KANK1: variants seen among roughly 807,000 people sequenced by gnomAD.
The protein encoded by KANK1 is KN motif and ankyrin repeat domain-containing protein 1.
KANK1 carries 109 observed loss-of-function variants against 106.2 expected under a neutral mutation model. The ratio of observed to expected loss-of-function variants is 1.03; its 90% confidence interval spans 0.88 to 1.20. KANK1 has a LOEUF of 1.20. Among genes scored for constraint, KANK1 ranks in the 50% most tolerant of loss-of-function variants. KANK1 has a pLI of 0.00. For missense variants in KANK1, 2,399 were observed against 1,710.7 expected (o/e 1.40, Z -7.10); for synonymous variants, 873 against 652.2 (o/e 1.34, Z -5.16).
intron 1 of KANK1, among the ~76,000 whole-genome samples, chr9:669,008 T>G (rs1443810327): frequency 6.6e-6 from 1 of 152,072 alleles, no homozygotes; most frequent in Non-Finnish European, 1.5e-5. Context: ...CCAGTACTGG[T>G]CCATGGCTCA....
intron 6 of KANK1, chr9:732,826 C>G (rs1832688681): frequency 4.4e-6 from 2 of 454,968 alleles, no homozygotes; most frequent in East Asian, 6.6e-5. Context: ...CCTAATCACC[C>G]TTGTTTTCTG....
chr9:737,123 C>T (rs564801819), intron 7 of KANK1, among the ~76,000 whole-genome samples: 1 of 152,154 alleles, frequency 6.6e-6, no homozygotes, highest in African/African-American at 2.4e-5. Flanking sequence ...CATGTCAGGA[C>T]ACCAGTTATT....
chr9:479,812 C>G (rs1006468), intron 3 of KANK1, among the ~76,000 whole-genome samples: 40,169 of 152,002 alleles, frequency 0.26, 5,811 homozygotes, highest in East Asian at 0.53. Context: ...CAAGGAAGTT[C>G]ATGGCAATAT....
chr9:530,151 C>T (rs1563723192), intron 1 of KANK1, among the ~76,000 whole-genome samples: 1 of 152,106 alleles, frequency 6.6e-6, no homozygotes. Context: ...GGAAATAAGC[C>T]CCTCATGTGA....
intron 1 of KANK1, among the ~76,000 whole-genome samples, chr9:584,791 G>C (rs761359091): frequency 3.9e-5 from 6 of 152,200 alleles, no homozygotes; most frequent in African/African-American, 9.7e-5. Flanking sequence ...TGAGGACCAA[G>C]GGAAGAAGAG....
intron 3 of KANK1, among the ~76,000 whole-genome samples, chr9:715,359 C>T (rs999563350): frequency 1.3e-4 from 2 of 15,452 alleles, no homozygotes; most frequent in African/African-American, 1.8e-3. Flanking sequence ...TTCTTAAATA[C>T]CTCCAGACAG....
Position 479,900 on chromosome 9 carries a change from G to A in KANK1, c.-362+6627G>A, listed in dbSNP as rs569606870. Among the ~76,000 whole-genome samples, 7 of 152,234 alleles carry A rather than the reference G, an allele frequency of 4.6e-5. 1 individual carries two copies. Among genetic ancestry groups the A allele is most frequent in the African/African-American group, 1.7e-4 (7 of 41,546 alleles). ...CCCCCCCAGTAAGTATAATTGGTGC[G>A]AACAGTGATTTATTATATGCCCAGT... On this transcript the variant is annotated intron_variant, in intron 3 of 15. Transcript: ENST00000382303.
chr9:644,602 C>A (rs1418059550), intron 1 of KANK1, among the ~76,000 whole-genome samples: 1 of 150,600 alleles, frequency 6.6e-6, no homozygotes, highest in Non-Finnish European at 1.5e-5. Context: ...CAGTAATTCA[C>A]TGACTCACTG....
intron 2 of KANK1, among the ~76,000 whole-genome samples, chr9:682,289 AAAAG>A (rs1413185213): frequency 6.6e-6 from 1 of 152,156 alleles, no homozygotes; most frequent in Admixed American, 6.5e-5. Flanking sequence ...CAAAAAAAAA[AAAAG>A]AAAAGTTATT....
chr9:707,004 T>G, intron 2 of KANK1: 1 of 985,444 alleles, frequency 1.0e-6, no homozygotes, highest in Non-Finnish European at 1.2e-6. Context: ...CCTGTTTTCA[T>G]TAAGAAAACA....
chr9:745,222 G>T lies in KANK1; in HGVS notation c.4046G>T (p.Gly1349Val), dbSNP rs147338571. The T allele has an allele frequency of 2.5e-6, 4 of 1,613,898 alleles. No individual in the cohort carries two copies. The African/African-American group carries it at 4.0e-5, about 16-fold the overall frequency. The change falls in exon 12 of 12, where the codon GGT (glycine) becomes GTT (valine). Residue 1349 changes from glycine to valine, a missense_variant. Physicochemically the swap from Gly to Val is moderately radical, Grantham distance 109. Transcript: ENST00000382297. ...RKTSPGPTHR[G>V]SFD The stretch of plus-strand genomic sequence containing the variant: ...ACGTCTCCTGGCCCCACCCACCGAG[G>T]TTCATTTGATTGATTGTATGCAAAT...
chr9:539,611 C>G (rs891148006), intron 1 of KANK1: 2 of 152,164 alleles, frequency 1.3e-5, no homozygotes, highest in African/African-American at 4.8e-5. Flanking sequence ...TTGCCTCAGC[C>G]TCCCAAGTAA....
chr9:659,745 C>CG (rs1563941349), intron 1 of KANK1, among the ~76,000 whole-genome samples: 1 of 151,836 alleles, frequency 6.6e-6, no homozygotes. Flanking sequence ...AACCAGTTCT[C>CG]GGGGGAAGTC....
intron 1 of KANK1, among the ~76,000 whole-genome samples, chr9:553,999 G>C (rs746619730): frequency 1.3e-5 from 2 of 152,194 alleles, no homozygotes; most frequent in Non-Finnish European, 2.9e-5. Context: ...TCTGATTCAG[G>C]AGTTCTGGGA....
At chr9:480,739 T>C (rs2058189047) in intron 3 of KANK1, among the ~76,000 whole-genome samples, 1 of 152,050 alleles carries the variant, frequency 6.6e-6, no homozygotes, top group South Asian at 2.1e-4. Context: ...GAGCCGTGTA[T>C]TAGAGACGTT....
chr9:669,547 A>C (rs1237891263), intron 1 of KANK1, among the ~76,000 whole-genome samples: 1 of 152,086 alleles, frequency 6.6e-6, no homozygotes, highest in African/African-American at 2.4e-5. Flanking sequence ...TGAAAATATC[A>C]TTCCACTTCC....
At chr9:695,376 T>A (rs1254027464) in intron 2 of KANK1, among the ~76,000 whole-genome samples, 1 of 152,172 alleles carries the variant, frequency 6.6e-6, no homozygotes, top group Non-Finnish European at 1.5e-5. Context: ...GGGGGGTGTT[T>A]GTCTGCTTTT....
chr9:549,060 A>G (rs1042450296), intron 1 of KANK1: 3 of 152,190 alleles, frequency 2.0e-5, no homozygotes, highest in African/African-American at 7.2e-5. Context: ...AATTCCACCA[A>G]TAATTCTAAA....
intron 1 of KANK1, among the ~76,000 whole-genome samples, chr9:559,964 C>T (rs759537048): frequency 2.6e-5 from 4 of 152,266 alleles, no homozygotes; most frequent in Non-Finnish European, 5.9e-5. Flanking sequence ...ATTGTAGTTA[C>T]GTGTCATCCT....
Sources: gnomAD v4.1 joint callset for allele counts (sites outside exome capture counted in the v4.1 genomes callset) on GRCh38, gnomAD v4.1.1 for gene constraint, MANE v1.5 for transcripts, NCBI Gene and HGNC (gene_info 2026-07-23, HGNC 2026-07-21) for gene names.